The following NBEA variants were observed in gnomAD, a reference collection of about 807,000 sequenced individuals.
NBEA encodes neurobeachin, also known as lysosomal-trafficking regulator 2.
In NBEA, 44 loss-of-function variants were observed where a neutral mutation model predicts 343.4. The observed-to-expected ratio is 0.13, with a 90% CI of 0.10 to 0.16. The LOEUF (loss-of-function observed/expected upper bound fraction) is 0.16, where lower values mean the gene tolerates loss of function less well. Ranked by LOEUF, NBEA falls within the 10% of genes least tolerant of loss-of-function variation. The probability of loss-of-function intolerance (pLI) is 1.00; values close to 1 mark genes in which losing one functional copy is unlikely to be tolerated. For synonymous variants in NBEA, 1,175 were observed against 1,238.7 expected, an observed-to-expected ratio of 0.95 and a Z score of 1.08; for missense variants, 2,555 against 3,631.3, an observed-to-expected ratio of 0.70 and a Z score of 7.62.
At chr13:35,650,098 T>A (rs2084444213) in intron 52 of NBEA, among the ~76,000 whole-genome samples, 1 of 152,192 alleles carries the variant, frequency 6.6e-6, no homozygotes, top group Non-Finnish European at 1.5e-5. Context: ...TTGAAGCAGT[T>A]CTACCAATAA....
intron 10 of NBEA, among the ~76,000 whole-genome samples, chr13:35,074,124 T>TAAAGTACACAA (rs2064002345): frequency 6.6e-6 from 1 of 152,214 alleles, no homozygotes; most frequent in Admixed American, 6.5e-5. Context: ...TATTTATTAC[T>TAAAGTACACAA]AGTACAACTT....
At chr13:35,660,605 G>A (rs911704421) in intron 55 of NBEA, among the ~76,000 whole-genome samples, 3 of 152,100 alleles carry the variant, frequency 2.0e-5, no homozygotes, top group African/African-American at 4.8e-5. Context: ...AGCTCTGGAC[G>A]CTGACCCTCC....
At chr13:35,433,441 A>G (rs944762224) in intron 39 of NBEA, among the ~76,000 whole-genome samples, 2 of 152,056 alleles carry the variant, frequency 1.3e-5, no homozygotes, top group African/African-American at 4.8e-5. Context: ...CAGTTGATAA[A>G]TAGTATTATA....
At chr13:35,136,102 C>A (rs1247727221) in intron 17 of NBEA, among the ~76,000 whole-genome samples, 7 of 151,966 alleles carry the variant, frequency 4.6e-5, no homozygotes, top group Admixed American at 2.0e-4. Flanking sequence ...TCAAATGTAA[C>A]CAGACAAGGA....
chr13:35,170,383 T>TA (rs1337629660), intron 25 of NBEA, among the ~76,000 whole-genome samples: 1 of 151,876 alleles, frequency 6.6e-6, no homozygotes, highest in Admixed American at 6.6e-5. Context: ...AATTTTTTTT[T>TA]ACTTATGAAG....
chr13:34,953,511 A>T (rs2059406488), intron 1 of NBEA, among the ~76,000 whole-genome samples: 1 of 152,052 alleles, frequency 6.6e-6, no homozygotes, highest in Non-Finnish European at 1.5e-5. Flanking sequence ...TCTTACCCCT[A>T]TTTAAGTGAC....
intron 49 of NBEA, among the ~76,000 whole-genome samples, chr13:35,630,642 C>T (rs2083409039): frequency 6.6e-6 from 1 of 152,156 alleles, no homozygotes; most frequent in Non-Finnish European, 1.5e-5. Flanking sequence ...ATGTTATGTT[C>T]TTTCTCCCCA....
At chr13:35,042,238 A>G (rs1422668910) in intron 2 of NBEA, among the ~76,000 whole-genome samples, 1 of 151,736 alleles carries the variant, frequency 6.6e-6, no homozygotes, top group Non-Finnish European at 1.5e-5. Flanking sequence ...TCAGGGTGGC[A>G]TATATCTTTT....
intron 33 of NBEA, among the ~76,000 whole-genome samples, chr13:35,229,780 A>G (rs551462337): frequency 1.3e-5 from 2 of 152,196 alleles, no homozygotes; most frequent in East Asian, 3.9e-4. Context: ...TTATGTTTGT[A>G]CCATTTTCTT....
chr13:35,571,544 C>T (rs959771041), intron 45 of NBEA, among the ~76,000 whole-genome samples: 5 of 152,046 alleles, frequency 3.3e-5, no homozygotes, highest in Admixed American at 1.3e-4. Context: ...ATTTTAACAC[C>T]GTAAAGTAGT....
At chr13:35,344,973 G>A (rs941935376) in intron 36 of NBEA, among the ~76,000 whole-genome samples, 1 of 152,026 alleles carries the variant, frequency 6.6e-6, no homozygotes, top group African/African-American at 2.4e-5. Flanking sequence ...AGATCTGTAA[G>A]TTCTAATTAA....
chr13:34,954,284 G>A (rs2059429970), intron 1 of NBEA, among the ~76,000 whole-genome samples: 1 of 152,128 alleles, frequency 6.6e-6, no homozygotes, highest in Non-Finnish European at 1.5e-5. Flanking sequence ...GATATCAAGG[G>A]ACAACTGTGT....
chr13:35,569,730 A>T (rs542673708), intron 45 of NBEA, among the ~76,000 whole-genome samples: 2 of 152,330 alleles, frequency 1.3e-5, no homozygotes, highest in East Asian at 3.9e-4. Flanking sequence ...GTAATATGAG[A>T]GGCCAGCATT....
At chr13:35,265,155 A>G (rs1400687406) in intron 34 of NBEA, among the ~76,000 whole-genome samples, 2 of 151,896 alleles carry the variant, frequency 1.3e-5, no homozygotes, top group African/African-American at 4.8e-5. Context: ...TTTCCTAAGT[A>G]AAATGCTTAG....
chr13:35,203,713 A>G (rs983025914), intron 31 of NBEA, among the ~76,000 whole-genome samples: 2 of 152,184 alleles, frequency 1.3e-5, no homozygotes, highest in African/African-American at 4.8e-5. Context: ...TCACACTTAC[A>G]TGTATTACTT....
At chr13:35,578,244 G>A (rs976657267) in intron 45 of NBEA, among the ~76,000 whole-genome samples, 1 of 152,112 alleles carries the variant, frequency 6.6e-6, no homozygotes, top group Non-Finnish European at 1.5e-5. Context: ...ATCTTCATTT[G>A]ACTTTTCTTC....
intron 38 of NBEA, among the ~76,000 whole-genome samples, chr13:35,372,604 G>A (rs911562673): frequency 6.6e-5 from 10 of 152,198 alleles, no homozygotes; most frequent in Non-Finnish European, 1.2e-4. Flanking sequence ...CTGCTGGGGA[G>A]GGAGTGGTTG....
chr13:35,157,332 A>G, intron 21 of NBEA, 62 bp downstream of exon 21: 1 of 1,235,134 alleles, frequency 8.1e-7, no homozygotes, highest in East Asian at 2.7e-5. Context: ...AATGGCTACA[A>G]ACATGCATCT....
chr13:35,164,622 A>C, intron 24 of NBEA, 113 bp downstream of exon 24: 2 of 1,118,190 alleles, frequency 1.8e-6, no homozygotes, highest in Non-Finnish European at 2.5e-6. Flanking sequence ...TTTTTAGGCA[A>C]ATTTTTAACC....
Sources: gnomAD v4.1 joint callset for allele counts (sites outside exome capture counted in the v4.1 genomes callset) on GRCh38, gnomAD v4.1.1 for gene constraint, MANE v1.5 for transcripts, NCBI Gene and HGNC (gene_info 2026-07-23, HGNC 2026-07-21) for gene names.